TACR1: variants seen among roughly 807,000 people sequenced by gnomAD.
The protein encoded by TACR1 is tachykinin receptor 1.
A neutral mutation model predicts 35.8 loss-of-function variants in TACR1; 25 were observed. The observed-to-expected ratio is 0.70, with a 90% confidence interval of 0.51 to 0.98. TACR1 has a LOEUF of 0.98. Ranked by LOEUF, TACR1 falls within the 50% of genes least tolerant of loss-of-function variation. The pLI is 0.00. For synonymous variants in TACR1, 195 were observed against 206.7 expected, an observed-to-expected ratio of 0.94 and a Z score of 0.48; for missense variants, 478 against 522.9, an observed-to-expected ratio of 0.91 and a Z score of 0.84.
chr2:75,056,773 T>C (rs544787895), intron 2 of TACR1, among the ~76,000 whole-genome samples: 1 of 152,368 alleles, frequency 6.6e-6, no homozygotes, highest in East Asian at 1.9e-4. Context: ...GCAAAAGTTA[T>C]TGTTATTTAT....
intron 2 of TACR1, among the ~76,000 whole-genome samples, chr2:75,072,146 A>C (rs952666387): frequency 1.3e-5 from 2 of 152,076 alleles, no homozygotes; most frequent in South Asian, 2.1e-4. Context: ...GGAGTTAGTT[A>C]GGGTCAGCTC....
chr2:75,072,973 G>A (rs201105136), intron 2 of TACR1, among the ~76,000 whole-genome samples: 1 of 151,804 alleles, frequency 6.6e-6, no homozygotes, highest in Non-Finnish European at 1.5e-5. Context: ...AACTAAACTA[G>A]ACTAAACAAC....
At chr2:75,049,831 G>A in intron 4 of TACR1, 108 bp from the exon 5 acceptor site, 1 of 1,266,198 alleles carries the variant, frequency 7.9e-7, no homozygotes, top group African/African-American at 1.5e-5. Flanking sequence ...GCGTGATTCT[G>A]TTATTGTTTT....
chr2:75,195,067 A>G lies in TACR1; in HGVS notation c.389+3479T>C, dbSNP rs542495237. Among the ~76,000 whole-genome samples the G allele has an allele frequency of 7.2e-5, 11 of 152,284 alleles. No homozygotes were observed. The East Asian group carries it at 1.9e-3, about 27-fold the overall frequency. On this transcript the variant is annotated intron_variant, in intron 1 of 4. Transcript: ENST00000305249. ...GAACGGGGCTGTTGAGGGGGGAGTC[A>G]TCACCTCTCTGTGTCCCCCATCTTC... is the stretch of plus-strand genomic sequence containing the variant.
chr2:75,104,339 A>C (rs1302810073), intron 2 of TACR1, among the ~76,000 whole-genome samples: 8 of 152,106 alleles, frequency 5.3e-5, no homozygotes, highest in Non-Finnish European at 1.2e-4. Flanking sequence ...CAATTCATCA[A>C]GAGAATATAA....
intron 1 of TACR1, among the ~76,000 whole-genome samples, chr2:75,128,967 G>A (rs530223365): frequency 1.2e-3 from 182 of 152,274 alleles, no homozygotes; most frequent in Non-Finnish European, 2.3e-3. Flanking sequence ...ACCTGTTTGC[G>A]ATTTAGAGCT....
At chr2:75,093,968 C>T (rs766785262) in intron 2 of TACR1, among the ~76,000 whole-genome samples, 1 of 152,070 alleles carries the variant, frequency 6.6e-6, no homozygotes, top group Non-Finnish European at 1.5e-5. Context: ...TCAGGTCACA[C>T]AGCATGTTAG....
intron 1 of TACR1, among the ~76,000 whole-genome samples, chr2:75,163,831 T>C (rs1675071787): frequency 6.6e-6 from 1 of 152,212 alleles, no homozygotes; most frequent in South Asian, 2.1e-4. Flanking sequence ...ATTTAGTCAT[T>C]TGATTCAATG....
At chr2:75,094,859 ATTTT>A (rs58283121) in intron 2 of TACR1, among the ~76,000 whole-genome samples, 31 of 113,074 alleles carry the variant, frequency 2.7e-4, no homozygotes, top group South Asian at 1.1e-3. Context: ...ATATATATAT[ATTTT>A]TTTTTTTTTT....
chr2:75,051,490 C>G, intron 3 of TACR1, 43 bp from the exon 4 acceptor site: 4 of 1,608,144 alleles, frequency 2.5e-6, no homozygotes, highest in Non-Finnish European at 3.4e-6. Context: ...GCACATCCCC[C>G]TCTCTCACGG....
At position 75,101,409 on chromosome 2, in the gene TACR1, A is replaced by T. The variant is rs184886318; in HGVS notation, c.584+19165T>A. On this transcript the variant is annotated intron_variant, in intron 2 of 4. Transcript: ENST00000305249. ...TACCAGACACTGTGCTAAGGGTTTT[A>T]TATACAATATTTTATCTAATCCTCA... Among the ~76,000 whole-genome samples, 10 of 152,298 alleles carry T rather than the reference A, an allele frequency of 6.6e-5. 1 individual carries two copies. The highest frequency in any genetic ancestry group is 1.9e-4 in the African/African-American group (8 of 41,568).
Position 75,183,152 on chromosome 2 carries a change from A to G in TACR1, c.389+15394T>C, listed in dbSNP as rs564459426. ...GATAACAATAAAGCAAAGTCATGAT[A>G]AAAAGAAAATGTGCCAAACTTGACT... On this transcript the variant is annotated intron_variant, in intron 1 of 4. Coordinates refer to ENST00000305249, the MANE Select transcript of TACR1 (RefSeq NM_001058.4). Among the ~76,000 whole-genome samples the G allele has an allele frequency of 1.2e-4, 18 of 152,328 alleles. No individual in the cohort carries two copies. The South Asian group carries it at 1.4e-3, about 12-fold the overall frequency.
intron 1 of TACR1, among the ~76,000 whole-genome samples, chr2:75,173,173 G>A (rs1358031003): frequency 2.0e-5 from 3 of 152,100 alleles, no homozygotes; most frequent in Admixed American, 1.3e-4. Flanking sequence ...CAGGTAAGGG[G>A]TCAGGGGATG....
intron 2 of TACR1, among the ~76,000 whole-genome samples, chr2:75,081,102 A>G (rs1416176256): frequency 2.0e-5 from 3 of 152,204 alleles, no homozygotes; most frequent in Non-Finnish European, 4.4e-5. Flanking sequence ...TCAGCCTCTC[A>G]ATTCACCACA....
chr2:75,199,000 C>A lies in TACR1; in HGVS notation c.-66G>T. 1 of 1,558,510 alleles carries A rather than the reference C, an allele frequency of 6.4e-7. No homozygotes were observed. The highest frequency in any genetic ancestry group is 8.7e-7 in the Non-Finnish European group (1 of 1,149,896). On this transcript the variant is annotated 5_prime_UTR_variant, in exon 1 of 5. Coordinates refer to ENST00000305249, the MANE Select transcript of TACR1 (RefSeq NM_001058.4). ...CCCCCTCTGCAGCAGAGTCCTGTGGCTGGCGCCTGGGGCTCAGGGTCCTTC... is the reference window on the plus strand; with the variant it reads ...CCCCCTCTGCAGCAGAGTCCTGTGGATGGCGCCTGGGGCTCAGGGTCCTTC...
intron 1 of TACR1, among the ~76,000 whole-genome samples, chr2:75,193,880 G>C (rs1285571130): frequency 1.3e-5 from 2 of 152,056 alleles, no homozygotes; most frequent in African/African-American, 2.4e-5. Context: ...ATAGCCCTTT[G>C]AGGGAATAAA....
At position 75,120,801 on chromosome 2, in the gene TACR1, C is replaced by T. The variant is rs567842935; in HGVS notation, c.390-33G>A. 3.9e-6 allele frequency: 6 copies of T among 1,529,070 alleles called. No individual in the cohort carries two copies. The East Asian group carries it at 1.4e-4, about 35-fold the overall frequency. The allele number at this position is 1,529,070 out of a possible 1,614,324, so 94.7% of individuals were successfully genotyped here. On this transcript the variant is annotated intron_variant, in intron 1 of 4. Transcript: ENST00000305249. ...AGAGAAGAAAGAACAAAGTTCTGAT[C>T]TGGTCACCAAAATCTGTATCAGAGA...
At chr2:75,176,640 T>A (rs1189556593) in intron 1 of TACR1, among the ~76,000 whole-genome samples, 3 of 152,136 alleles carry the variant, frequency 2.0e-5, no homozygotes, top group Non-Finnish European at 4.4e-5. Context: ...ACAGCAGGAC[T>A]TTGGGGACTC....
At chr2:75,060,697 A>G (rs1672653957) in intron 2 of TACR1, among the ~76,000 whole-genome samples, 1 of 152,234 alleles carries the variant, frequency 6.6e-6, no homozygotes, top group African/African-American at 2.4e-5. Flanking sequence ...GAACATGGTC[A>G]GATACTTGTG....
Sources: allele counts gnomAD v4.1 joint callset (sites outside exome capture counted in the v4.1 genomes callset), GRCh38; gene constraint gnomAD v4.1.1; transcripts MANE v1.5; gene names NCBI Gene and HGNC (gene_info 2026-07-23, HGNC 2026-07-21).